Variants in SRBD1 observed in about 807,000 individuals in gnomAD.
The protein encoded by SRBD1 is S1 RNA-binding domain-containing protein 1.
Under a neutral mutation model 115.3 loss-of-function variants are expected in SRBD1, and 88 were observed. That is an observed-to-expected ratio of 0.76 (90% CI 0.64 to 0.91). SRBD1 has a LOEUF of 0.91. SRBD1 is among the 40% of genes least tolerant of loss of function. The pLI is 0.00. For synonymous variants in SRBD1, 509 were observed against 407.7 expected, an observed-to-expected ratio of 1.25 and a Z score of -2.99; for missense variants, 1,385 against 1,177.4, an observed-to-expected ratio of 1.18 and a Z score of -2.58.
chr2:45,488,111 A>G, intron 15 of SRBD1, 129 bp downstream of exon 15: 1 of 720,152 alleles, frequency 1.4e-6, no homozygotes, highest in South Asian at 1.7e-5. Context: ...CTTTCTTTCT[A>G]ATATGCCAAT....
At chr2:45,464,307 G>C (rs930961848) in intron 16 of SRBD1, among the ~76,000 whole-genome samples, 1 of 152,090 alleles carries the variant, frequency 6.6e-6, no homozygotes, top group African/African-American at 2.4e-5. Context: ...AAAGATCCAA[G>C]TCAAAAGAGA....
chr2:45,449,891 A>T (rs753531634), intron 16 of SRBD1, among the ~76,000 whole-genome samples: 1 of 152,014 alleles, frequency 6.6e-6, no homozygotes, highest in Non-Finnish European at 1.5e-5. Flanking sequence ...CCAGTGCTTC[A>T]TAAGGGTGAT....
At chr2:45,457,005 T>C (rs1367791468) in intron 16 of SRBD1, among the ~76,000 whole-genome samples, 1 of 151,904 alleles carries the variant, frequency 6.6e-6, no homozygotes, top group East Asian at 1.9e-4. Context: ...AAAATAAAGG[T>C]CATGGATATT....
At chr2:45,402,915 C>T (rs991664359) in intron 19 of SRBD1, among the ~76,000 whole-genome samples, 1 of 152,142 alleles carries the variant, frequency 6.6e-6, no homozygotes, top group African/African-American at 2.4e-5. Flanking sequence ...AGGACAAAAA[C>T]AGAGGGGGTA....
intron 16 of SRBD1, among the ~76,000 whole-genome samples, chr2:45,466,862 G>A (rs370432374): frequency 4.6e-5 from 7 of 152,302 alleles, no homozygotes; most frequent in African/African-American, 1.7e-4. Flanking sequence ...GGAGGGCCCA[G>A]GAGACTTTCA....
intron 16 of SRBD1, among the ~76,000 whole-genome samples, chr2:45,466,152 G>A (rs1239847414): frequency 6.6e-6 from 1 of 152,150 alleles, no homozygotes. Context: ...AACACTAGCT[G>A]TTCTTTTGTG....
At chr2:45,445,643 A>G (rs1668801309) in intron 16 of SRBD1, among the ~76,000 whole-genome samples, 1 of 151,764 alleles carries the variant, frequency 6.6e-6, no homozygotes, top group African/African-American at 2.4e-5. Context: ...AAAGAAACCA[A>G]TGTTAGACAG....
At chr2:45,547,377 G>T in intron 13 of SRBD1, 145 bp downstream of exon 13, 1 of 637,168 alleles carries the variant, frequency 1.6e-6, no homozygotes. Flanking sequence ...GAGTTCTCCA[G>T]CAATTTGCCC....
intron 2 of SRBD1, among the ~76,000 whole-genome samples, 173 bp from the exon 3 acceptor site, chr2:45,602,256 G>C (rs561314154): frequency 6.6e-6 from 1 of 152,310 alleles, no homozygotes; most frequent in South Asian, 2.1e-4. Context: ...CAACAGAGTT[G>C]ATGACGGACC....
chr2:45,443,493 T>C (rs550225244), intron 16 of SRBD1, among the ~76,000 whole-genome samples: 212 of 152,250 alleles, frequency 1.4e-3, no homozygotes, highest in African/African-American at 4.7e-3. Flanking sequence ...ACAGTTTTTT[T>C]CTAGACATGT....
At chr2:45,473,280 G>C (rs113332332) in intron 16 of SRBD1, among the ~76,000 whole-genome samples, 9 of 151,812 alleles carry the variant, frequency 5.9e-5, no homozygotes, top group Non-Finnish European at 1.2e-4. Flanking sequence ...TCTTTTTCCT[G>C]AAAAAGAATC....
chr2:45,562,025 A>T (rs1672679070), intron 10 of SRBD1, among the ~76,000 whole-genome samples: 1 of 152,228 alleles, frequency 6.6e-6, no homozygotes, highest in Non-Finnish European at 1.5e-5. Flanking sequence ...GGAAAAGATG[A>T]TCTTACAAAA....
chr2:45,460,388 G>T (rs926382392), intron 16 of SRBD1, among the ~76,000 whole-genome samples: 1 of 152,098 alleles, frequency 6.6e-6, no homozygotes, highest in African/African-American at 2.4e-5. Context: ...ATATGAGGGG[G>T]GTTCTGAATG....
Position 45,562,670 on chromosome 2 carries a change from C to A in SRBD1, c.1392G>T (p.Arg464Ser). 6.2e-7 allele frequency: 1 copy of A among 1,607,178 alleles called. No individual in the cohort carries two copies. The highest frequency in any genetic ancestry group is 8.5e-7 in the Non-Finnish European group (1 of 1,178,182). Residue 464 changes from arginine (R) to serine (S), a missense_variant, in exon 10 of 21, where the codon AGG (arginine) becomes AGT (serine). Coordinates refer to ENST00000263736, the MANE Select transcript of SRBD1 (RefSeq NM_018079.5). ...ISDGVKDEFC[R>S]WCIQNRWRPR... ...AAACAGACCTGTTTTGGATGCACCACCTACAGAATTCATCCTTCACTCCAT... is the reference window on the plus strand; with the variant it reads ...AAACAGACCTGTTTTGGATGCACCAACTACAGAATTCATCCTTCACTCCAT...
At chr2:45,538,313 C>A (rs867552861) in intron 14 of SRBD1, among the ~76,000 whole-genome samples, 1 of 152,190 alleles carries the variant, frequency 6.6e-6, no homozygotes, top group Non-Finnish European at 1.5e-5. Context: ...TAAGACCATG[C>A]TCTTTTTTCC....
intron 16 of SRBD1, among the ~76,000 whole-genome samples, chr2:45,440,147 C>T (rs551244634): frequency 3.3e-5 from 5 of 152,208 alleles, no homozygotes; most frequent in South Asian, 2.1e-4. Flanking sequence ...CATAAATAGA[C>T]GTTAAGATAC....
chr2:45,421,371 G>A (rs374030377), intron 16 of SRBD1, among the ~76,000 whole-genome samples: 195 of 151,734 alleles, frequency 1.3e-3, no homozygotes, highest in African/African-American at 4.2e-3. Flanking sequence ...GCCGTGCGCC[G>A]TGGCGGACAC....
chr2:45,413,405 C>T (rs527449713), intron 18 of SRBD1, 112 bp from the exon 19 acceptor site: 3 of 1,263,710 alleles, frequency 2.4e-6, no homozygotes, highest in African/African-American at 1.5e-5. Context: ...AAAACAGCAA[C>T]CAGATTTTGA....
intron 16 of SRBD1, chr2:45,448,077 T>G (rs1363718677): frequency 6.6e-6 from 1 of 152,200 alleles, no homozygotes; most frequent in African/African-American, 2.4e-5. Flanking sequence ...GAGTCCTCTC[T>G]TCAATAAGAT....
Sources: allele counts gnomAD v4.1 joint callset (sites outside exome capture counted in the v4.1 genomes callset), GRCh38; gene constraint gnomAD v4.1.1; transcripts MANE v1.5; gene names NCBI Gene and HGNC (gene_info 2026-07-23, HGNC 2026-07-21).